The following HELZ variants were observed in gnomAD, a reference collection of about 807,000 sequenced individuals.
HELZ encodes the protein ATP-dependent RNA helicase with zinc finger domain.
In HELZ, 23 loss-of-function variants were observed where a neutral mutation model predicts 218.2. The observed-to-expected ratio is 0.11, with a 90% CI of 0.08 to 0.15. HELZ has a LOEUF of 0.15. Ranked by LOEUF, HELZ falls within the 10% of genes least tolerant of loss-of-function variation. The pLI, the probability that HELZ is intolerant of heterozygous loss-of-function variation, is 1.00. For missense variants in HELZ, 1,813 were observed against 2,353.7 expected, an observed-to-expected ratio of 0.77 and a Z score of 4.75; for synonymous variants, 814 against 829.4, an observed-to-expected ratio of 0.98 and a Z score of 0.32.
At position 67,139,238 on chromosome 17, in the gene HELZ, G is replaced by A. The variant is rs142306072; in HGVS notation, c.2770-1124C>T. Among the ~76,000 whole-genome samples, 876 of 152,194 alleles carry A rather than the reference G, an allele frequency of 5.8e-3. 7 individuals are homozygous for A. The highest frequency in any genetic ancestry group is 0.02 in the African/African-American group (827 of 41,514). On this transcript the variant is annotated intron_variant, in intron 21 of 32. Coordinates refer to ENST00000358691, the MANE Select transcript of HELZ (RefSeq NM_014877.4). ...AGGTAAGGACTACAGTCATCCTATC[G>A]TTATTATGATACAGCAGCAAGTGTA...
At position 67,151,236 on chromosome 17, in the gene HELZ, G is replaced by T. The variant is rs369890325; in HGVS notation, c.2178-12C>A. ...TTCTGAAATATACCCTGGAAAAGAA[G>T]AAAATATTTCTGATTTACATTTACT... is the stretch of plus-strand genomic sequence containing the variant. On this transcript the variant is annotated splice_polypyrimidine_tract_variant and intron_variant, in intron 17 of 32. Coordinates refer to ENST00000358691, the MANE Select transcript of HELZ (RefSeq NM_014877.4). 5.7e-5 allele frequency: 91 copies of T among 1,586,902 alleles called. No individual in the cohort carries two copies. Among genetic ancestry groups the T allele is most frequent in the Non-Finnish European group, 7.7e-5 (89 of 1,161,798 alleles).
chr17:67,164,635 T>C (rs1249564349), intron 15 of HELZ, among the ~76,000 whole-genome samples: 1 of 150,134 alleles, frequency 6.7e-6, no homozygotes, highest in Non-Finnish European at 1.5e-5. Context: ...TTAAAAAGAA[T>C]AACATAAAGA....
At chr17:67,175,366 C>T (rs1236621195) in intron 13 of HELZ, among the ~76,000 whole-genome samples, 1 of 151,988 alleles carries the variant, frequency 6.6e-6, no homozygotes, top group Non-Finnish European at 1.5e-5. Flanking sequence ...TAGACACCTC[C>T]CCCAAAATTT....
chr17:67,208,851 C>T (rs2040373797), intron 5 of HELZ, among the ~76,000 whole-genome samples: 2 of 151,396 alleles, frequency 1.3e-5, no homozygotes, highest in South Asian at 4.2e-4. Context: ...GTGGGAGGAT[C>T]ACCTGAGCCC....
chr17:67,165,759 A>C (rs1457616422), intron 15 of HELZ, among the ~76,000 whole-genome samples: 1 of 152,232 alleles, frequency 6.6e-6, no homozygotes, highest in Non-Finnish European at 1.5e-5. Flanking sequence ...ACGACCATTA[A>C]CTGGAGAGCA....
At position 67,128,528 on chromosome 17, in the gene HELZ, G is replaced by A. The variant is rs148929659; in HGVS notation, c.3387+123C>T. The A allele has an allele frequency of 1.1e-3, 932 of 832,838 alleles. 6 individuals are homozygous for A. The highest frequency in any genetic ancestry group is 3.0e-3 in the Admixed American group (147 of 49,374). 51.6% of individuals were successfully genotyped at this position (832,838 alleles called of 1,614,324 possible). ...ACTAAACAAGCTCCTTGCAGAAACC[G>A]CTTGCCGCCAAATGTAACCTTCAAT... On this transcript the variant is annotated intron_variant, in intron 24 of 32. Coordinates refer to ENST00000358691, the MANE Select transcript of HELZ (RefSeq NM_014877.4).
At position 67,086,759 on chromosome 17, in the gene HELZ, G is replaced by A. The variant is rs1245781983; in HGVS notation, c.5494+70C>T. On this transcript the variant is annotated intron_variant, in intron 32 of 32. Coordinates refer to ENST00000358691, the MANE Select transcript of HELZ (RefSeq NM_014877.4). ...ATGCAAATTGGGGGCAGGTGGTATA[G>A]AAGAAAAACTCCACAGATATCCGGG... The A allele has an allele frequency of 2.6e-6, 4 of 1,539,818 alleles. No individual in the cohort carries two copies. In the Admixed American group the frequency reaches 7.0e-5, roughly 27 times the overall value.
At chr17:67,127,217 T>G (rs745886571) in intron 24 of HELZ, among the ~76,000 whole-genome samples, 4 of 152,128 alleles carry the variant, frequency 2.6e-5, no homozygotes, top group Non-Finnish European at 4.4e-5. Context: ...TCCTCTCACT[T>G]CTCCAACATG....
chr17:67,228,675 TTTA>T (rs2143406847), intron 3 of HELZ, among the ~76,000 whole-genome samples: 1 of 149,960 alleles, frequency 6.7e-6, no homozygotes, highest in South Asian at 2.1e-4. Context: ...AAAAAAAAAA[TTTA>T]TTGTGACGAA....
At position 67,076,820 on chromosome 17, in the gene HELZ, T is replaced by C. The variant is rs1317177174; in HGVS notation, c.*1432A>G. On this transcript the variant is annotated 3_prime_UTR_variant, in exon 33 of 33. Transcript: ENST00000358691. ...TTTTTGAATGGATCATCAGGAAGAT[T>C]GGGTTCATTCGAAAGGTTCCCCAGC... 1.3e-4 allele frequency: 20 copies of C among 152,202 alleles called. No individual in the cohort carries two copies. The highest frequency in any genetic ancestry group is 1.5e-5 in the Non-Finnish European group (1 of 68,042). The allele number at this position is 152,202 out of a possible 1,614,324, so 9.4% of individuals were successfully genotyped here. A position where few individuals can be genotyped will look rare whatever the true frequency, so the allele number is the denominator to read the frequency against.
intron 13 of HELZ, among the ~76,000 whole-genome samples, chr17:67,171,837 G>T (rs1046689073): frequency 1.4e-5 from 2 of 144,198 alleles, no homozygotes; most frequent in Admixed American, 7.0e-5. Flanking sequence ...GTTTTGTTTT[G>T]TTTTTTTTTT....
In HELZ at chr17:67,109,600, A is replaced by C; in HGVS notation, c.4005T>G (p.Asp1335Glu). Residue 1335 changes from aspartate (D) to glutamate (E), a missense_variant, in exon 29 of 33, where the codon GAT (aspartate) becomes GAG (glutamate). By Grantham distance (45) the Asp-to-Glu change is conservative. Coordinates refer to ENST00000358691, the MANE Select transcript of HELZ (RefSeq NM_014877.4). ...VYPSTKFPRK[D>E]NLNPRHINLP... is the part of the protein sequence containing the mutation. ...GATTTATGTGTCTTGGGTTGAGATT[A>C]TCTTTGCGAGGAAATTTGGTACTGG... 1 of 1,614,182 alleles carries C rather than the reference A, an allele frequency of 6.2e-7. No homozygotes were observed. Among genetic ancestry groups the C allele is most frequent in the East Asian group, 2.2e-5 (1 of 44,876 alleles).
chr17:67,082,284 A>G (rs2036218650), intron 32 of HELZ, among the ~76,000 whole-genome samples: 1 of 152,226 alleles, frequency 6.6e-6, no homozygotes, highest in South Asian at 2.1e-4. Flanking sequence ...TCTATCCTTG[A>G]GTTCAAAATA....
rs1031058344 is a variant in HELZ, at chr17:67,076,229, A to T, written c.*2023T>A. On this transcript the variant is annotated 3_prime_UTR_variant, in exon 33 of 33. Transcript: ENST00000358691. ...GAAAATTATTTTCCATAACATCCTC[A>T]CATCAGAGAGATCTAATTTTCATTC... The T allele has an allele frequency of 6.6e-6, 1 of 152,220 alleles. No homozygotes were observed. The highest frequency in any genetic ancestry group is 2.4e-5 in the African/African-American group (1 of 41,436). The allele number at this position is 152,220 out of a possible 1,614,324, so 9.4% of individuals were successfully genotyped here.
rs150476133 is a variant in HELZ at position 67,148,667 on chromosome 17, G to A, written c.2523C>T (p.His841=). 1.2e-5 allele frequency: 20 copies of A among 1,613,374 alleles called. No homozygotes were observed. The highest frequency in any genetic ancestry group is 1.7e-5 in the Admixed American group (1 of 59,966). Residue 841 remains histidine (H), a synonymous_variant, in exon 20 of 33, where the codon CAC becomes CAT. Transcript: ENST00000358691. The part of the protein sequence containing the change: ...YSEFARERNL[H]VSLLDRLYEH... ...CATAGAGTCGGTCAAGTAATGAAACGTGAAGGTTTCTCTCCCTGGCAAACT... is the reference window on the plus strand; with the variant it reads ...CATAGAGTCGGTCAAGTAATGAAACATGAAGGTTTCTCTCCCTGGCAAACT...
intron 3 of HELZ, among the ~76,000 whole-genome samples, chr17:67,221,686 G>A (rs1304544154): frequency 1.3e-5 from 2 of 152,066 alleles, no homozygotes; most frequent in African/African-American, 4.8e-5. Flanking sequence ...ACCTCCTAGG[G>A]TTACTGCAAG....
At chr17:67,210,221 T>C (rs918205386) in intron 5 of HELZ, among the ~76,000 whole-genome samples, 4 of 152,184 alleles carry the variant, frequency 2.6e-5, no homozygotes, top group Non-Finnish European at 5.9e-5. Flanking sequence ...TGACATGCCA[T>C]CTCCAAATTA....
intron 26 of HELZ, among the ~76,000 whole-genome samples, chr17:67,121,385 G>A (rs533189211): frequency 1.3e-5 from 2 of 152,302 alleles, no homozygotes; most frequent in South Asian, 4.1e-4. Flanking sequence ...TAAAGCAGAT[G>A]ATGTATAGTG....
In HELZ at chr17:67,120,337, C is replaced by T. The variant is rs1301934182; in HGVS notation, c.3838+68G>A. On this transcript the variant is annotated intron_variant, in intron 27 of 32. Coordinates refer to ENST00000358691, the MANE Select transcript of HELZ (RefSeq NM_014877.4). ...GTTAACAATCATACTGTTAAAGGAA[C>T]TTTCTATGTGGCTAAAACTTTACCT... is the stretch of plus-strand genomic sequence containing the variant. The T allele has an allele frequency of 3.8e-6, 5 of 1,304,274 alleles. No homozygotes were observed. In the East Asian group the frequency reaches 1.2e-4, roughly 30 times the overall value. The allele number at this position is 1,304,274 out of a possible 1,614,324, so 80.8% of individuals were successfully genotyped here.
Sources: gnomAD v4.1 joint callset for allele counts (sites outside exome capture counted in the v4.1 genomes callset) on GRCh38, gnomAD v4.1.1 for gene constraint, MANE v1.5 for transcripts, NCBI Gene and HGNC (gene_info 2026-07-23, HGNC 2026-07-21) for gene names.